The following AHNAK2 variants were observed in gnomAD, a reference collection of about 807,000 sequenced individuals.
AHNAK2 encodes AHNAK nucleoprotein 2, also known as protein AHNAK2.
AHNAK2 carries 18 observed loss-of-function variants against 30.7 expected under a neutral mutation model. The ratio of observed to expected loss-of-function variants is 0.59; its 90% CI spans 0.41 to 0.87. The LOEUF is 0.87. Among genes scored for constraint, AHNAK2 ranks in the 40% least tolerant of loss-of-function variants. AHNAK2 has a pLI of 0.00. For missense variants in AHNAK2, 8,604 were observed against 7,373.0 expected, an observed-to-expected ratio of 1.17 and a Z score of -6.11; for synonymous variants, 3,590 against 3,073.8, an observed-to-expected ratio of 1.17 and a Z score of -5.56.
chr14:104,949,474 A>G lies in AHNAK2; in HGVS notation c.5977T>C (p.Phe1993Leu). ...GATACCCCGAACGACGGCATCTTGA[A>G]TTTGGGCATTTTGAACTTGCTGTCT... ...AKDSKFKMPK[F>L]KMPSFGVSAP... Residue 1993 changes from phenylalanine to leucine, a missense_variant, in exon 7 of 7, where the codon TTC (phenylalanine) becomes CTC (leucine). Physicochemically the swap from Phe to Leu is conservative, Grantham distance 22 (BLOSUM62 0). Coordinates refer to ENST00000333244, the MANE Select transcript of AHNAK2 (RefSeq NM_138420.4). The G allele has an allele frequency of 1.3e-6, 2 of 1,587,350 alleles. No homozygotes were observed. The highest frequency in any genetic ancestry group is 2.7e-5 in the African/African-American group (2 of 73,042).
chr14:104,938,560 T>C lies in AHNAK2; in HGVS notation c.16891A>G (p.Arg5631Gly), dbSNP rs779897817. The change falls in exon 7 of 7, where the codon AGG becomes GGG. Residue 5631 changes from arginine (R) to glycine (G), a missense_variant. By Grantham distance (125) the Arg-to-Gly change is moderately radical (BLOSUM62 -2). Coordinates refer to ENST00000333244, the MANE Select transcript of AHNAK2 (RefSeq NM_138420.4). ...CTTTCTGGTTTGTCTTTTGGAGCCC[T>C]GCCTTCATCTGCCAGTGGTGTGGTT... ...EATTPLADEG[R>G]APKDKPESKK... The C allele has an allele frequency of 1.2e-6, 2 of 1,613,370 alleles. No homozygotes were observed. Among genetic ancestry groups the C allele is most frequent in the Non-Finnish European group, 1.7e-6 (2 of 1,179,780 alleles).
In AHNAK2 at chr14:104,974,823, T is replaced by C. The variant is rs547790306; in HGVS notation, c.55+3360A>G. ...GACCAAGCTGGGAGAGTGTGGCATT[T>C]TACTCCTGAAGTGGGTGGCAGGGAC... is the stretch of plus-strand genomic sequence containing the variant. On this transcript the variant is annotated intron_variant, in intron 1 of 6. Coordinates refer to ENST00000333244, the MANE Select transcript of AHNAK2 (RefSeq NM_138420.4). 2.2e-4 allele frequency among the ~76,000 whole-genome samples: 34 copies of C among 152,276 alleles called. 1 individual carries two copies. In the South Asian group the frequency reaches 4.8e-3, roughly 21 times the overall value.
intron 1 of AHNAK2, among the ~76,000 whole-genome samples, chr14:104,975,070 C>CTAG (rs1899561110): frequency 6.6e-6 from 1 of 152,228 alleles, no homozygotes; most frequent in Non-Finnish European, 1.5e-5. Flanking sequence ...GAGGCAGCTC[C>CTAG]TAGCCCAGCC....
At chr14:104,961,282 A>G (rs1023876207) in intron 1 of AHNAK2, among the ~76,000 whole-genome samples, 3 of 152,174 alleles carry the variant, frequency 2.0e-5, no homozygotes, top group Non-Finnish European at 4.4e-5. Context: ...TGGGAGGCCG[A>G]GGCGGGCGGA....
rs140274481 is a variant in AHNAK2, at chr14:104,961,761, C to T, written c.56-4089G>A. 8.6e-4 allele frequency among the ~76,000 whole-genome samples: 131 copies of T among 152,222 alleles called. 1 individual carries two copies. In the East Asian group the frequency reaches 0.016, roughly 18 times the overall value. Reference sequence around the variant, plus strand: ...ACCGAGGCAGGAGGAACACTTGAGGCCAGGAGTTTGAGACTAGCCTGGGCA... The same window carrying T: ...ACCGAGGCAGGAGGAACACTTGAGGTCAGGAGTTTGAGACTAGCCTGGGCA... On this transcript the variant is annotated intron_variant, in intron 1 of 6. Transcript: ENST00000333244.
chr14:104,956,046 T>C (rs1348902395), intron 4 of AHNAK2, among the ~76,000 whole-genome samples: 1 of 152,106 alleles, frequency 6.6e-6, no homozygotes, highest in Non-Finnish European at 1.5e-5. Flanking sequence ...AGCACAGCAA[T>C]GCCAAGGAAA....
Position 104,957,662 on chromosome 14 carries a change from A to T in AHNAK2, c.66T>A (p.Arg22=), listed in dbSNP as rs2819445. The T allele has an allele frequency of 8.0e-4, 1,286 of 1,610,672 alleles. 10 individuals are homozygous for T. The African/African-American group carries it at 0.013, about 16-fold the overall frequency. Reference sequence around the variant, plus strand: ...CACCTGGCTCCCCGGGCTGCAGCTGACGGCCGGACACTGCAGAGAGAGTGG... The same window carrying T: ...CACCTGGCTCCCCGGGCTGCAGCTGTCGGCCGGACACTGCAGAGAGAGTGG... The part of the protein sequence containing the change: ...WPGTPGSVSG[R]QLQPGEPGAE... Residue 22 remains arginine, a synonymous_variant, in exon 2 of 7, where the codon CGT becomes CGA. Transcript: ENST00000333244.
Position 104,942,620 on chromosome 14 carries a change from A to G in AHNAK2, c.12831T>C (p.Ser4277=), listed in dbSNP as rs1898046642. ...DVEAPGAKLD[S]VRLEGDLSLA... is the part of the protein sequence containing the mutation. ...GGGACAGGTCACCCTCCAGCCGCAC[A>G]CTGTCCAGCTTGGCTCCCGGGGCCT... Residue 4277 remains serine, a synonymous_variant, in exon 7 of 7, where the codon AGT becomes AGC. Coordinates refer to ENST00000333244, the MANE Select transcript of AHNAK2 (RefSeq NM_138420.4). The G allele has an allele frequency of 6.2e-7, 1 of 1,612,858 alleles. No individual in the cohort carries two copies. Among genetic ancestry groups the G allele is most frequent in the Non-Finnish European group, 8.5e-7 (1 of 1,179,538 alleles).
chr14:104,945,904 G>C lies in AHNAK2; in HGVS notation c.9547C>G (p.Gln3183Glu). 1 of 1,250,080 alleles carries C rather than the reference G, an allele frequency of 8.0e-7. No individual in the cohort carries two copies. The highest frequency in any genetic ancestry group is 1.1e-6 in the Non-Finnish European group (1 of 883,006). 77.4% of individuals were successfully genotyped at this position (1,250,080 alleles called of 1,614,324 possible). ...ATGTCAGTGTTCTTCAGGTCCCCCT[G>C]CATGGAGGGGAGGCTCAGGTCGGCC... ...VEADLSLPSM[Q>E]GDLKNTDISI... Residue 3183 changes from glutamine (Q) to glutamate (E), a missense_variant, in exon 7 of 7, where the codon CAG becomes GAG. Transcript: ENST00000333244.
chr14:104,955,871 G>T (rs1409416668), intron 4 of AHNAK2, among the ~76,000 whole-genome samples: 1 of 152,242 alleles, frequency 6.6e-6, no homozygotes, highest in Non-Finnish European at 1.5e-5. Flanking sequence ...CCAGGACTTA[G>T]GCACAGCCTG....
rs1055390128 is a variant in AHNAK2, at chr14:104,955,155, G to C, written c.467-14C>G. ...GCAGCTGATCCCCTAGACCAAGAAA[G>C]AGCAGCCCCAGGGCCGGGTGTGTGA... is the stretch of plus-strand genomic sequence containing the variant. On this transcript the variant is annotated splice_polypyrimidine_tract_variant and intron_variant, in intron 5 of 6. Coordinates refer to ENST00000333244, the MANE Select transcript of AHNAK2 (RefSeq NM_138420.4). 2 of 1,595,578 alleles carry C rather than the reference G, an allele frequency of 1.3e-6. No individual in the cohort carries two copies. Among genetic ancestry groups the C allele is most frequent in the African/African-American group, 1.3e-5 (1 of 74,676 alleles).
rs747768367 is a variant in AHNAK2 at position 104,946,661 on chromosome 14, C to G, written c.8790G>C (p.Ala2930=). The G allele has an allele frequency of 1.4e-5, 23 of 1,612,968 alleles. No homozygotes were observed. The highest frequency in any genetic ancestry group is 3.3e-5 in the South Asian group (3 of 91,032). ...CCTCCACGTCGGGGGCCGTCACCTC[C>G]GCCTTGGGGCCTTTCAGGTCCAGCT... The part of the protein sequence containing the change: ...GPKLDLKGPK[A]EVTAPDVEVS... The change falls in exon 7 of 7, where the codon GCG becomes GCC. Residue 2930 remains alanine (A), a synonymous_variant. Transcript: ENST00000333244.
At position 104,942,244 on chromosome 14, in the gene AHNAK2, C is replaced by T. The variant is rs1325541227; in HGVS notation, c.13207G>A (p.Val4403Ile). 8.1e-6 allele frequency: 13 copies of T among 1,612,908 alleles called. No individual in the cohort carries two copies. Among genetic ancestry groups the T allele is most frequent in the Admixed American group, 1.7e-5 (1 of 59,930 alleles). ...KVDLKGPQID[V>I]NVPKLDLKGP... is the part of the protein sequence containing the mutation. ...TTCAGGTCCAGCTTGGGGACATTAA[C>T]GTCTATCTGGGGACCCTTGAGGTCC... The change falls in exon 7 of 7, where the codon GTT becomes ATT. Residue 4403 changes from valine to isoleucine, a missense_variant. Physicochemically the swap from Val to Ile is conservative, Grantham distance 29. Transcript: ENST00000333244.
In AHNAK2 at chr14:104,941,046, G is replaced by C; in HGVS notation, c.14405C>G (p.Ala4802Gly). ...LTKYQVTVPRAALAPELALEI... is the reference protein window; with the variant it reads ...LTKYQVTVPRGALAPELALEI... ...CAGAGCAAGCTCAGGGGCCAAGGCA[G>C]CTCTGGGAACAGTCACCTGGTATTT... is the stretch of plus-strand genomic sequence containing the variant. Residue 4802 changes from alanine to glycine, a missense_variant, in exon 7 of 7, where the codon GCT (alanine) becomes GGT (glycine). Transcript: ENST00000333244. 1 of 1,613,650 alleles carries C rather than the reference G, an allele frequency of 6.2e-7. No homozygotes were observed. Among genetic ancestry groups the C allele is most frequent in the African/African-American group, 1.3e-5 (1 of 75,042 alleles).
rs1406475423 is a variant in AHNAK2, at chr14:104,951,661, G to T, written c.3790C>A (p.Pro1264Thr). The T allele has an allele frequency of 2.4e-6, 3 of 1,246,060 alleles. 1 individual carries two copies. The African/African-American group carries it at 4.3e-5, about 18-fold the overall frequency. 77.2% of individuals were successfully genotyped at this position (1,246,060 alleles called of 1,614,324 possible). Reference protein sequence around the residue: ...LKMPKVDLKGPQVEVRGPKLD... With the variant: ...LKMPKVDLKGTQVEVRGPKLD... ...TTGGGGCCCCTGACTTCCACCTGGG[G>T]GCCCTTGAGGTCCACTTTGGGCATC... is the stretch of plus-strand genomic sequence containing the variant. Residue 1264 changes from proline (P) to threonine (T), a missense_variant, in exon 7 of 7, where the codon CCC (proline) becomes ACC (threonine). Pro to Thr is a conservative substitution (Grantham distance 38). Transcript: ENST00000333244.
At position 104,953,325 on chromosome 14, in the gene AHNAK2, A is replaced by G. The variant is rs774503039; in HGVS notation, c.2126T>C (p.Val709Ala). Residue 709 changes from valine (V) to alanine (A), a missense_variant, in exon 7 of 7, where the codon GTG (valine) becomes GCG (alanine). Physicochemically the swap from Val to Ala is moderately conservative, Grantham distance 64 (BLOSUM62 0). Coordinates refer to ENST00000333244, the MANE Select transcript of AHNAK2 (RefSeq NM_138420.4). ...GTCCCCCTGCATGGAGAGGAGGCTC[A>G]CGTCGGCCTCCACCTTCGGCGCAGA... ...DVSAPKVEAD[V>A]SLLSMQGDLK... The G allele has an allele frequency of 1.2e-6, 2 of 1,612,880 alleles. No individual in the cohort carries two copies. The highest frequency in any genetic ancestry group is 8.5e-7 in the Non-Finnish European group (1 of 1,179,678).
Position 104,947,846 on chromosome 14 carries a change from G to A in AHNAK2, c.7605C>T (p.Pro2535=). The change falls in exon 7 of 7, where the codon CCC becomes CCT. Residue 2535 remains proline (P), a synonymous_variant. Transcript: ENST00000333244. ...DLKATDLSIQ[P]PSADLEVQAG... ...CCTGGACCTCCAGGTCAGCGGAAGG[G>A]GGCTGAATGCTGAGGTCAGTGGCCT... The A allele has an allele frequency of 6.2e-7, 1 of 1,612,684 alleles. No individual in the cohort carries two copies. The highest frequency in any genetic ancestry group is 8.5e-7 in the Non-Finnish European group (1 of 1,179,578).
rs116553680 is a variant in AHNAK2, at chr14:104,939,864, C to G, written c.15587G>C (p.Arg5196Pro). The G allele has an allele frequency of 5.0e-6, 8 of 1,613,686 alleles. No individual in the cohort carries two copies. Among genetic ancestry groups the G allele is most frequent in the Non-Finnish European group, 6.8e-6 (8 of 1,179,834 alleles). Residue 5196 changes from arginine (R) to proline (P), a missense_variant, in exon 7 of 7, where the codon CGC becomes CCC. Arg to Pro is a moderately radical substitution (Grantham distance 103, BLOSUM62 -2). Transcript: ENST00000333244. ...GAAAGAGCGCCTAAGGCTGGGCATG[C>G]GGAACTTGGGCATTTTAAACCAGCT... ...QESWFKMPKF[R>P]MPSLRRSFRD...
intron 1 of AHNAK2, among the ~76,000 whole-genome samples, chr14:104,958,853 A>T (rs921080359): frequency 2.0e-5 from 3 of 152,218 alleles, no homozygotes; most frequent in African/African-American, 7.2e-5. Context: ...CCACACCTAG[A>T]AACGTCACAG....
Sources: gnomAD v4.1 joint callset for allele counts (sites outside exome capture counted in the v4.1 genomes callset) on GRCh38, gnomAD v4.1.1 for gene constraint, MANE v1.5 for transcripts, NCBI Gene and HGNC (gene_info 2026-07-23, HGNC 2026-07-21) for gene names.